Variants in TRIM26 observed in about 807,000 individuals in gnomAD.
The protein encoded by TRIM26 is tripartite motif containing 26, also known as tripartite motif-containing protein 26.
TRIM26 carries 16 observed loss-of-function variants against 45.5 expected under a neutral mutation model. The observed-to-expected ratio is 0.35, with a 90% confidence interval of 0.24 to 0.53. The LOEUF is 0.53. Ranked by LOEUF, TRIM26 falls within the 20% of genes least tolerant of loss-of-function variation. TRIM26 has a pLI of 0.92. For synonymous variants in TRIM26, 273 were observed against 290.4 expected (o/e 0.94, Z 0.61); for missense variants, 442 against 691.1 (o/e 0.64, Z 4.04).
chr6:30,186,705 G>T lies in TRIM26; in HGVS notation c.938-147C>A. ...TAATATAACTCAACATCCTTAATTTGGTATAAGTGTGACACATTTTCTGGC... is the reference window on the plus strand; with the variant it reads ...TAATATAACTCAACATCCTTAATTTTGTATAAGTGTGACACATTTTCTGGC... On this transcript the variant is annotated intron_variant, in intron 9 of 9. Coordinates refer to ENST00000454678, the MANE Select transcript of TRIM26 (RefSeq NM_003449.5). This position sits in a 1 kb window ranked among gnomAD's most constrained non-coding sequence, Gnocchi z 7.4. 8.8e-7 allele frequency: 1 copy of T among 1,132,704 alleles called. No individual in the cohort carries two copies. The highest frequency in any genetic ancestry group is 1.2e-6 in the Non-Finnish European group (1 of 824,880). The allele number at this position is 1,132,704 out of a possible 1,614,324, so 70.2% of individuals were successfully genotyped here.
Position 30,184,949 on chromosome 6 carries a change from G to A in TRIM26, c.*927C>T, listed in dbSNP as rs1293969462. ...GTCTTCCCATCTCCACTCTCTCCTAGGAAAGTGGAACCTGGATGCTGGTAG... is the reference window on the plus strand; with the variant it reads ...GTCTTCCCATCTCCACTCTCTCCTAAGAAAGTGGAACCTGGATGCTGGTAG... On this transcript the variant is annotated 3_prime_UTR_variant, in exon 10 of 10. Coordinates refer to ENST00000454678, the MANE Select transcript of TRIM26 (RefSeq NM_003449.5). 1 of 152,684 alleles carries A rather than the reference G, an allele frequency of 6.5e-6. No individual in the cohort carries two copies. The highest frequency in any genetic ancestry group is 1.5e-5 in the Non-Finnish European group (1 of 68,124). 9.5% of individuals were successfully genotyped at this position (152,684 alleles called of 1,614,324 possible). A position where few individuals can be genotyped will look rare whatever the true frequency, so the allele number is the denominator to read the frequency against.
At position 30,196,424 on chromosome 6, in the gene TRIM26, G is replaced by A; in HGVS notation, c.765+92C>T. 1.6e-6 allele frequency: 2 copies of A among 1,246,528 alleles called. No individual in the cohort carries two copies. The highest frequency in any genetic ancestry group is 1.4e-5 in the South Asian group (1 of 73,746). The allele number at this position is 1,246,528 out of a possible 1,614,324, so 77.2% of individuals were successfully genotyped here. A position where few individuals can be genotyped will look rare whatever the true frequency, so the allele number is the denominator to read the frequency against. On this transcript the variant is annotated intron_variant, in intron 6 of 9. Coordinates refer to ENST00000454678, the MANE Select transcript of TRIM26 (RefSeq NM_003449.5). The surrounding 1 kb of genome is among the most constrained non-coding windows in gnomAD (Gnocchi z 4.9). ...TCCATGTTTCAGATGACAAAACTGA[G>A]CCCCCAAGTCTTCTAAGGTCCTGCA...
intron 9 of TRIM26, among the ~76,000 whole-genome samples, chr6:30,187,945 C>T (rs559592056): frequency 1.8e-4 from 24 of 133,364 alleles, no homozygotes; most frequent in East Asian, 1.5e-3. Context: ...AAAGGCCGGG[C>T]GCGGTGGCTC....
chr6:30,192,751 A>C (rs1006981553), intron 6 of TRIM26, among the ~76,000 whole-genome samples: 1 of 152,032 alleles, frequency 6.6e-6, no homozygotes, highest in Admixed American at 6.6e-5. Context: ...ACAGCCAAAT[A>C]ATCTCTGGGA....
intron 6 of TRIM26, among the ~76,000 whole-genome samples, chr6:30,194,051 A>C (rs1776220319): frequency 6.6e-6 from 1 of 152,228 alleles, no homozygotes; most frequent in Non-Finnish European, 1.5e-5. Context: ...AACTAAAAAT[A>C]GAACTACCAT....
chr6:30,185,730 C>G lies in TRIM26; in HGVS notation c.*146G>C. ...AGCACTGAGTGAGATTTCAGGGGGC[C>G]ACAGCAATGGGGAGGTGGCTACCAG... On this transcript the variant is annotated 3_prime_UTR_variant, in exon 10 of 10. Coordinates refer to ENST00000454678, the MANE Select transcript of TRIM26 (RefSeq NM_003449.5). This position sits in a 1 kb window ranked among gnomAD's most constrained non-coding sequence, Gnocchi z 5.7. 1 of 869,238 alleles carries G rather than the reference C, an allele frequency of 1.2e-6. No homozygotes were observed. The highest frequency in any genetic ancestry group is 1.8e-6 in the Non-Finnish European group (1 of 570,878). 53.8% of individuals were successfully genotyped at this position (869,238 alleles called of 1,614,324 possible).
intron 6 of TRIM26, among the ~76,000 whole-genome samples, chr6:30,193,249 T>G (rs1269992353): frequency 6.9e-6 from 1 of 144,052 alleles, no homozygotes; most frequent in Non-Finnish European, 1.5e-5. Context: ...TGGCACAATC[T>G]CGGCTCACTG....
chr6:30,204,343 C>T (rs1419352511), intron 2 of TRIM26, among the ~76,000 whole-genome samples: 1 of 152,166 alleles, frequency 6.6e-6, no homozygotes, highest in Non-Finnish European at 1.5e-5. Flanking sequence ...ATGAGGTCAT[C>T]TACATGGAAG....
chr6:30,193,270 C>T (rs2127496890), intron 6 of TRIM26, among the ~76,000 whole-genome samples: 2 of 147,572 alleles, frequency 1.4e-5, no homozygotes, highest in Admixed American at 6.8e-5. Context: ...CAACCTCTGC[C>T]TCCTGGATTC....
chr6:30,184,572 G>A lies in TRIM26; in HGVS notation c.*1304C>T, dbSNP rs1774951707. 1 of 152,588 alleles carries A rather than the reference G, an allele frequency of 6.6e-6. No individual in the cohort carries two copies. Among genetic ancestry groups the A allele is most frequent in the Admixed American group, 6.5e-5 (1 of 15,276 alleles). The allele number at this position is 152,588 out of a possible 1,614,324, so 9.5% of individuals were successfully genotyped here. A position where few individuals can be genotyped will look rare whatever the true frequency, so the allele number is the denominator to read the frequency against. ...CCCTCCAGGAGCTTACAAAACTAGA[G>A]GCAGAAATAAGATGTACATGTGACT... On this transcript the variant is annotated 3_prime_UTR_variant, in exon 10 of 10. Transcript: ENST00000454678.
chr6:30,196,863 A>G lies in TRIM26; in HGVS notation c.535-117T>C. 1 of 968,322 alleles carries G rather than the reference A, an allele frequency of 1.0e-6. No individual in the cohort carries two copies. Among genetic ancestry groups the G allele is most frequent in the Non-Finnish European group, 1.5e-6 (1 of 647,930 alleles). The allele number at this position is 968,322 out of a possible 1,614,324, so 60.0% of individuals were successfully genotyped here. ...CGCTACCCCCGTTCAGGAATTCTAC[A>G]GGATCTGGAGTGGGAGGAGCTACAG... On this transcript the variant is annotated intron_variant, in intron 5 of 9. Transcript: ENST00000454678. This position sits in a 1 kb window ranked among gnomAD's most constrained non-coding sequence, Gnocchi z 4.9.
intron 2 of TRIM26, among the ~76,000 whole-genome samples, chr6:30,204,330 C>T (rs1366586852): frequency 6.6e-6 from 1 of 152,180 alleles, no homozygotes; most frequent in Non-Finnish European, 1.5e-5. Context: ...TTAGGAAGCT[C>T]AGATGAGGTC....
chr6:30,213,120 G>C (rs1438609237), intron 1 of TRIM26, among the ~76,000 whole-genome samples, 185 bp downstream of exon 1: 2 of 152,172 alleles, frequency 1.3e-5, no homozygotes, highest in Non-Finnish European at 2.9e-5. Flanking sequence ...AGAATGTAAG[G>C]ACAAGCAAAC....
chr6:30,193,182 A>ATATATTT (rs9280916), intron 6 of TRIM26, among the ~76,000 whole-genome samples: 10 of 38,812 alleles, frequency 2.6e-4, no homozygotes, highest in South Asian at 1.1e-3. Context: ...ATATATATAT[A>ATATATTT]TTTTTTTTTT....
chr6:30,212,589 C>T (rs1378618747), intron 1 of TRIM26, among the ~76,000 whole-genome samples: 1 of 151,972 alleles, frequency 6.6e-6, no homozygotes, highest in Non-Finnish European at 1.5e-5. Context: ...ACATAAAAAG[C>T]CTATTTTTTT....
chr6:30,196,298 T>C lies in TRIM26; in HGVS notation c.765+218A>G, dbSNP rs115164002. Among the ~76,000 whole-genome samples the C allele has an allele frequency of 2.1e-3, 318 of 152,382 alleles. 1 individual carries two copies. Among genetic ancestry groups the C allele is most frequent in the African/African-American group, 6.7e-3 (280 of 41,594 alleles). On this transcript the variant is annotated intron_variant, in intron 6 of 9. Transcript: ENST00000454678. This position sits in a 1 kb window ranked among gnomAD's most constrained non-coding sequence, Gnocchi z 4.9. ...TATACCATTTAGTTTTTTGAACAGTTTTGTGTAAAAAGTTTATTTTTTGAA... is the reference window on the plus strand; with the variant it reads ...TATACCATTTAGTTTTTTGAACAGTCTTGTGTAAAAAGTTTATTTTTTGAA...
chr6:30,210,848 A>G (rs1490334987), intron 1 of TRIM26, among the ~76,000 whole-genome samples: 1 of 152,176 alleles, frequency 6.6e-6, no homozygotes, highest in Non-Finnish European at 1.5e-5. Context: ...TCATCATGCT[A>G]CTCAGAACAA....
intron 1 of TRIM26, among the ~76,000 whole-genome samples, chr6:30,205,690 G>A (rs897817613): frequency 3.9e-5 from 6 of 152,166 alleles, no homozygotes; most frequent in Non-Finnish European, 5.9e-5. Context: ...GAAATTAGCT[G>A]AATTAGCTGG....
chr6:30,189,623 G>C lies in TRIM26; in HGVS notation c.789-90C>G, dbSNP rs1299253872. ...CTCAATCCTCATGGCAATTATGAAG[G>C]GGAGAGGAAAGGTATGATTATCCCC... On this transcript the variant is annotated intron_variant, in intron 7 of 9. Transcript: ENST00000454678. This position sits in a 1 kb window ranked among gnomAD's most constrained non-coding sequence, Gnocchi z 5.0. 8.7e-7 allele frequency: 1 copy of C among 1,148,296 alleles called. No individual in the cohort carries two copies. Among genetic ancestry groups the C allele is most frequent in the Admixed American group, 1.8e-5 (1 of 55,256 alleles). 71.1% of individuals were successfully genotyped at this position (1,148,296 alleles called of 1,614,324 possible).
Sources: gnomAD v4.1 joint callset for allele counts (sites outside exome capture counted in the v4.1 genomes callset) on GRCh38, gnomAD v4.1.1 for gene constraint, Gnocchi (gnomAD v3.1) non-coding constraint, MANE v1.5 for transcripts, NCBI Gene and HGNC (gene_info 2026-07-23, HGNC 2026-07-21) for gene names.